The following LARGE1 variants were observed in gnomAD, a reference collection of about 807,000 sequenced individuals.
LARGE1 encodes the protein LARGE xylosyl- and glucuronyltransferase 1.
LARGE1 carries 43 observed loss-of-function variants against 87.6 expected under a neutral mutation model. That is an observed-to-expected ratio of 0.49 (90% CI 0.38 to 0.63). The LOEUF is 0.63. Among genes scored for constraint, LARGE1 ranks in the 30% least tolerant of loss-of-function variants. The pLI is 0.00. For synonymous variants in LARGE1, 434 were observed against 394.6 expected, an observed-to-expected ratio of 1.10 and a Z score of -1.18; for missense variants, 802 against 1,000.2, an observed-to-expected ratio of 0.80 and a Z score of 2.67.
intron 1 of LARGE1, among the ~76,000 whole-genome samples, chr22:33,831,399 C>G (rs1275521272): frequency 6.6e-6 from 1 of 152,196 alleles, no homozygotes; most frequent in Non-Finnish European, 1.5e-5. Context: ...CCAGAACACT[C>G]TGAAGACAGG....
Position 33,520,481 on chromosome 22 carries a change from C to T in LARGE1, c.787+44367G>A, listed in dbSNP as rs560681278. On this transcript the variant is annotated intron_variant, in intron 6 of 14. Transcript: ENST00000397394. ...GCAAGCTTCTGCTCTCTGACAAGCA[C>T]GGGAGGGGACTCTGAACTCTCTGCA... Among the ~76,000 whole-genome samples the T allele has an allele frequency of 4.6e-5, 7 of 152,120 alleles. No individual in the cohort carries two copies. The South Asian group carries it at 8.3e-4, about 18-fold the overall frequency.
At chr22:33,439,316 A>C (rs2067384693) in intron 6 of LARGE1, among the ~76,000 whole-genome samples, 1 of 151,998 alleles carries the variant, frequency 6.6e-6, no homozygotes, top group Non-Finnish European at 1.5e-5. Flanking sequence ...CAGTGTTCAT[A>C]ATGTCTAGGT....
intron 2 of LARGE1, among the ~76,000 whole-genome samples, chr22:33,686,801 G>C (rs1206740825): frequency 2.0e-5 from 3 of 152,154 alleles, no homozygotes; most frequent in African/African-American, 7.2e-5. Flanking sequence ...AGGGTTGCCA[G>C]ATTTAGCAAA....
chr22:33,159,277 CAT>C (rs1175926647), downstream of LARGE1, among the ~76,000 whole-genome samples: 1 of 152,172 alleles, frequency 6.6e-6, no homozygotes, highest in Non-Finnish European at 1.5e-5. Flanking sequence ...AAATCTAACA[CAT>C]AATATTTGTT....
rs561107345 is a variant in LARGE1 at position 33,476,842 on chromosome 22, A to G, written c.788-44577T>C. Among the ~76,000 whole-genome samples the G allele has an allele frequency of 2.0e-5, 3 of 152,272 alleles. No homozygotes were observed. In the South Asian group the frequency reaches 6.2e-4, roughly 32 times the overall value. Reference sequence around the variant, plus strand: ...CGATGTCAGAGTGTGGATAACTAACATTAGCAGAACGTGCACACAGGACCT... The same window carrying G: ...CGATGTCAGAGTGTGGATAACTAACGTTAGCAGAACGTGCACACAGGACCT... On this transcript the variant is annotated intron_variant, in intron 6 of 14. Transcript: ENST00000397394.
At chr22:33,264,725 GTC>G (rs1927830057) in intron 11 of LARGE1, among the ~76,000 whole-genome samples, 1 of 151,822 alleles carries the variant, frequency 6.6e-6, no homozygotes, top group African/African-American at 2.4e-5. Context: ...GTGCAACAAA[GTC>G]TCTCTGCTTG....
intron 1 of LARGE1, among the ~76,000 whole-genome samples, chr22:33,815,637 C>T (rs753559976): frequency 1.3e-5 from 2 of 152,142 alleles, no homozygotes; most frequent in Non-Finnish European, 2.9e-5. Context: ...GTCTATCAAC[C>T]CAGCCCAGGG....
At chr22:33,253,161 C>G (rs1351701211) in intron 11 of LARGE1, among the ~76,000 whole-genome samples, 1 of 152,176 alleles carries the variant, frequency 6.6e-6, no homozygotes, top group Non-Finnish European at 1.5e-5. Flanking sequence ...CTTAGCCACT[C>G]TGTTTGCTCG....
In LARGE1 at chr22:33,274,124, T is replaced by C; in HGVS notation, c.*303A>G. ...ATCCTAAAGCCCTGCCCTGATCTTG[T>C]GGCTTTGCAGTAAGATGATAACCCT... On this transcript the variant is annotated 3_prime_UTR_variant, in exon 15 of 15. Coordinates refer to ENST00000397394, the MANE Select transcript of LARGE1 (RefSeq NM_133642.5). 6 of 531,320 alleles carry C rather than the reference T, an allele frequency of 1.1e-5. No individual in the cohort carries two copies. Among genetic ancestry groups the C allele is most frequent in the South Asian group, 1.0e-4 (5 of 47,904 alleles). The allele number at this position is 531,320 out of a possible 1,614,324, so 32.9% of individuals were successfully genotyped here.
chr22:33,610,407 G>T (rs772527748), intron 4 of LARGE1, among the ~76,000 whole-genome samples: 4 of 152,218 alleles, frequency 2.6e-5, no homozygotes, highest in Non-Finnish European at 5.9e-5. Flanking sequence ...ATGTGCCTTA[G>T]CAAAGAATGT....
Position 33,785,898 on chromosome 22 carries a change from T to C in LARGE1, c.-82-24340A>G, listed in dbSNP as rs190304997. Among the ~76,000 whole-genome samples the C allele has an allele frequency of 1.8e-4, 27 of 152,092 alleles. No individual in the cohort carries two copies. The East Asian group carries it at 5.2e-3, about 29-fold the overall frequency. Reference sequence around the variant, plus strand: ...GCACTATTTCTGTGCAAACAAGGGGTAGATATTTAGACATGCTGTATTAAG... The same window carrying C: ...GCACTATTTCTGTGCAAACAAGGGGCAGATATTTAGACATGCTGTATTAAG... On this transcript the variant is annotated intron_variant, in intron 1 of 14. Transcript: ENST00000397394.
intron 1 of LARGE1, among the ~76,000 whole-genome samples, chr22:33,788,479 G>A (rs2085722103): frequency 6.6e-6 from 1 of 152,224 alleles, no homozygotes; most frequent in Non-Finnish European, 1.5e-5. Context: ...TTGGAACTGA[G>A]TAACAGGCAG....
chr22:33,791,910 C>T (rs2085835710), intron 1 of LARGE1, among the ~76,000 whole-genome samples: 1 of 152,216 alleles, frequency 6.6e-6, no homozygotes, highest in Non-Finnish European at 1.5e-5. Context: ...GAAGTGCATA[C>T]TGCATGCTAA....
intron 9 of LARGE1, among the ~76,000 whole-genome samples, chr22:33,338,853 A>C (rs939568726): frequency 2.6e-5 from 4 of 152,176 alleles, no homozygotes; most frequent in Non-Finnish European, 5.9e-5. Flanking sequence ...GAGACGATCA[A>C]GAATAAATGA....
At chr22:33,667,443 G>C (rs1432076142) in intron 2 of LARGE1, among the ~76,000 whole-genome samples, 1 of 152,208 alleles carries the variant, frequency 6.6e-6, no homozygotes, top group African/African-American at 2.4e-5. Context: ...ACTCCCAGGA[G>C]AAAAGCCAGG....
At chr22:33,266,147 AG>A (rs567927136) in intron 11 of LARGE1, among the ~76,000 whole-genome samples, 1 of 145,764 alleles carries the variant, frequency 6.9e-6, no homozygotes, top group East Asian at 2.0e-4. Flanking sequence ...AGAACTCAAT[AG>A]GGAAAAAAAA....
At chr22:33,178,731 C>A (rs1328452295) in intron 11 of LARGE1, among the ~76,000 whole-genome samples, 2 of 151,894 alleles carry the variant, frequency 1.3e-5, no homozygotes, top group Non-Finnish European at 2.9e-5. Context: ...TCTAGTATAC[C>A]AATGTGAATT....
chr22:33,872,491 C>T (rs1601824242), intron 1 of LARGE1, among the ~76,000 whole-genome samples: 2 of 152,024 alleles, frequency 1.3e-5, no homozygotes, highest in East Asian at 1.9e-4. Flanking sequence ...GTGTCATCAT[C>T]GCCATCCCCA....
At chr22:33,131,023 G>C in the LARGE1 span, among the ~76,000 whole-genome samples, 1 of 94,916 alleles carries the variant, frequency 1.1e-5, no homozygotes. Flanking sequence ...GACAGAGCAA[G>C]ACTCCGTCTC....
Sources: gnomAD v4.1 joint callset for allele counts (sites outside exome capture counted in the v4.1 genomes callset) on GRCh38, gnomAD v4.1.1 for gene constraint, MANE v1.5 for transcripts, NCBI Gene and HGNC (gene_info 2026-07-23, HGNC 2026-07-21) for gene names.